Variants in NT5DC1 observed in about 807,000 individuals in gnomAD.
NT5DC1 encodes the protein 5'-nucleotidase domain-containing protein 1.
A neutral mutation model predicts 59.4 loss-of-function variants in NT5DC1; 42 were observed. That is an observed-to-expected ratio of 0.71 (90% CI 0.55 to 0.92). NT5DC1 has a LOEUF of 0.92. NT5DC1 is among the 40% of genes least tolerant of loss of function. The pLI is 0.00. For synonymous variants in NT5DC1, 172 were observed against 188.1 expected, an observed-to-expected ratio of 0.91 and a Z score of 0.70; for missense variants, 501 against 537.1, an observed-to-expected ratio of 0.93 and a Z score of 0.66.
At chr6:116,132,276 A>G (rs2114334314) in intron 6 of NT5DC1, among the ~76,000 whole-genome samples, 1 of 152,262 alleles carries the variant, frequency 6.6e-6, no homozygotes, top group African/African-American at 2.4e-5. Context: ...TCCACCTTAG[A>G]GGTGAAAATT....
intron 6 of NT5DC1, among the ~76,000 whole-genome samples, chr6:116,196,128 T>C (rs558886363): frequency 8.5e-4 from 130 of 152,128 alleles, no homozygotes; most frequent in African/African-American, 2.9e-3. Flanking sequence ...AAGAGTGAGA[T>C]TGTATCTCAA....
Position 116,244,531 on chromosome 6 carries a change from G to A in NT5DC1, c.*507G>A, listed in dbSNP as rs1450343890. On this transcript the variant is annotated 3_prime_UTR_variant, in exon 12 of 12. Transcript: ENST00000319550. ...GCTAGAACATATCCTCCAGAGACTT[G>A]GCTTAATTGGTCTGGGTAAATATGG... 6.6e-6 allele frequency: 1 copy of A among 152,214 alleles called. No individual in the cohort carries two copies. Among genetic ancestry groups the A allele is most frequent in the Non-Finnish European group, 1.5e-5 (1 of 68,080 alleles). The allele number at this position is 152,214 out of a possible 1,614,324, so 9.4% of individuals were successfully genotyped here.
chr6:116,138,272 A>G (rs1779663346), intron 6 of NT5DC1, among the ~76,000 whole-genome samples: 1 of 152,226 alleles, frequency 6.6e-6, no homozygotes, highest in Non-Finnish European at 1.5e-5. Context: ...ATCCTAGCCA[A>G]GATCACCATG....
At position 116,183,646 on chromosome 6, in the gene NT5DC1, A is replaced by AT. The variant is rs200127897; in HGVS notation, c.530-37398dup. Among the ~76,000 whole-genome samples the AT allele has an allele frequency of 3.7e-4, 54 of 146,684 alleles. 1 individual carries two copies. The highest frequency in any genetic ancestry group is 1.4e-3 in the East Asian group (7 of 5,006). On this transcript the variant is annotated intron_variant, in intron 6 of 11. Transcript: ENST00000319550. The stretch of plus-strand genomic sequence containing the variant: ...ATACTCCTAAGTATTTTATTTTATT[A>AT]TTTTTTTTTTGCAGCTTTTATAAAA...
chr6:116,182,690 A>C (rs1780912847), intron 6 of NT5DC1, among the ~76,000 whole-genome samples: 1 of 151,848 alleles, frequency 6.6e-6, no homozygotes, highest in Non-Finnish European at 1.5e-5. Context: ...TCTTCTTTTT[A>C]GAATTGTCTC....
rs1778863222 is a variant in NT5DC1 at position 116,110,933 on chromosome 6, A to C, written c.341A>C (p.Asp114Ala). 6.2e-7 allele frequency: 1 copy of C among 1,612,992 alleles called. No individual in the cohort carries two copies. Among genetic ancestry groups the C allele is most frequent in the African/African-American group, 1.3e-5 (1 of 74,910 alleles). The change falls in exon 4 of 12, where the codon GAC becomes GCC. Residue 114 changes from aspartate to alanine, a missense_variant. By Grantham distance (126) the Asp-to-Ala change is moderately radical. Coordinates refer to ENST00000319550, the MANE Select transcript of NT5DC1 (RefSeq NM_152729.3). ...GKKEWKHFLSDTGMACRSGKY... is the reference protein window; with the variant it reads ...GKKEWKHFLSATGMACRSGKY... Reference sequence around the variant, plus strand: ...AAAGAGTGGAAGCACTTCTTGTCGGACACTGGAATGGCTTGCCGCTCAGGT... The same window carrying C: ...AAAGAGTGGAAGCACTTCTTGTCGGCCACTGGAATGGCTTGCCGCTCAGGT...
At chr6:116,135,458 A>G (rs1351726750) in intron 6 of NT5DC1, among the ~76,000 whole-genome samples, 1 of 151,774 alleles carries the variant, frequency 6.6e-6, no homozygotes. Context: ...TTCTCTAGAT[A>G]ATATTGGTAG....
At chr6:116,197,564 G>C (rs1480666576) in intron 6 of NT5DC1, among the ~76,000 whole-genome samples, 2 of 152,030 alleles carry the variant, frequency 1.3e-5, no homozygotes, top group East Asian at 3.9e-4. Flanking sequence ...CTGTAGTGCA[G>C]ATAGAAGACA....
At chr6:116,124,987 A>AT (rs1449435554) in intron 6 of NT5DC1, among the ~76,000 whole-genome samples, 2 of 152,184 alleles carry the variant, frequency 1.3e-5, no homozygotes, top group South Asian at 2.1e-4. Context: ...ATTGGCAGTT[A>AT]TTTTTAGCTT....
At chr6:116,227,298 A>G (rs1301492802) in intron 8 of NT5DC1, among the ~76,000 whole-genome samples, 1 of 152,200 alleles carries the variant, frequency 6.6e-6, no homozygotes, top group African/African-American at 2.4e-5. Flanking sequence ...CACAAATGAC[A>G]GGATTTCTTT....
At chr6:116,183,728 A>T (rs1445524783) in intron 6 of NT5DC1, among the ~76,000 whole-genome samples, 1 of 151,734 alleles carries the variant, frequency 6.6e-6, no homozygotes, top group Non-Finnish European at 1.5e-5. Flanking sequence ...TAGCAGGGCT[A>T]CTCATTTTTG....
At chr6:116,143,411 A>G (rs1474859880) in intron 6 of NT5DC1, among the ~76,000 whole-genome samples, 2 of 152,070 alleles carry the variant, frequency 1.3e-5, no homozygotes, top group Non-Finnish European at 2.9e-5. Context: ...ACGGTGTTTC[A>G]CCATGTTGGC....
chr6:116,106,844 C>A (rs1321611263), intron 2 of NT5DC1, among the ~76,000 whole-genome samples: 1 of 152,112 alleles, frequency 6.6e-6, no homozygotes, highest in Non-Finnish European at 1.5e-5. Context: ...GTTTGTCTTC[C>A]TCATTTAGAT....
intron 6 of NT5DC1, among the ~76,000 whole-genome samples, chr6:116,159,957 A>G (rs995313056): frequency 6.6e-6 from 1 of 152,066 alleles, no homozygotes; most frequent in Non-Finnish European, 1.5e-5. Context: ...ATTACTTTTT[A>G]TGGCCGTGTA....
chr6:116,108,081 T>C (rs1214841782), intron 2 of NT5DC1, among the ~76,000 whole-genome samples: 1 of 152,216 alleles, frequency 6.6e-6, no homozygotes, highest in Non-Finnish European at 1.5e-5. Context: ...AGGTTCTTTT[T>C]TTCTCTTTTG....
In NT5DC1 at chr6:116,246,765, G is replaced by A. The variant is rs1771856504; in HGVS notation, c.*2741G>A. On this transcript the variant is annotated 3_prime_UTR_variant, in exon 12 of 12. Transcript: ENST00000319550. ...TGACTGCTTTTATTAAAGCCATGAG[G>A]GCATACCAAGTAATTCACCCAGTAT... 6.6e-6 allele frequency: 1 copy of A among 152,108 alleles called. No homozygotes were observed. Among genetic ancestry groups the A allele is most frequent in the East Asian group, 1.9e-4 (1 of 5,202 alleles). The allele number at this position is 152,108 out of a possible 1,614,324, so 9.4% of individuals were successfully genotyped here.
In NT5DC1 at chr6:116,101,034, C is replaced by T. The variant is rs551679414; in HGVS notation, c.93+11C>T. 19 of 1,574,990 alleles carry T rather than the reference C, an allele frequency of 1.2e-5. No individual in the cohort carries two copies. The highest frequency in any genetic ancestry group is 1.6e-5 in the Non-Finnish European group (18 of 1,158,660). ...CCCGAGAGCGCCCCGGTGAGTGGCG[C>T]GGGCTCCGGGGCGCACTGCGCGCAA... On this transcript the variant is annotated intron_variant, in intron 1 of 11. Transcript: ENST00000319550.
chr6:116,189,368 A>G (rs1305408196), intron 6 of NT5DC1, among the ~76,000 whole-genome samples: 1 of 151,906 alleles, frequency 6.6e-6, no homozygotes, highest in East Asian at 1.9e-4. Context: ...CCAGTATTGC[A>G]GTATATTTAC....
chr6:116,108,255 G>T, intron 2 of NT5DC1, 109 bp from the exon 3 acceptor site: 1 of 715,152 alleles, frequency 1.4e-6, no homozygotes, highest in South Asian at 1.6e-5. Context: ...TCATTCCCCT[G>T]GGTGGCAGAA....
Sources: allele counts gnomAD v4.1 joint callset (sites outside exome capture counted in the v4.1 genomes callset), GRCh38; gene constraint gnomAD v4.1.1; transcripts MANE v1.5; gene names NCBI Gene and HGNC (gene_info 2026-07-23, HGNC 2026-07-21).